ATL3: variants seen among roughly 807,000 people sequenced by gnomAD.
ATL3 encodes the protein atlastin-3.
Under a neutral mutation model 69.5 loss-of-function variants are expected in ATL3, and 49 were observed. The observed-to-expected ratio is 0.71, with a 90% CI of 0.56 to 0.89. The LOEUF (loss-of-function observed/expected upper bound fraction) is 0.89, where lower values mean the gene tolerates loss of function less well. Ranked by LOEUF, ATL3 falls within the 40% of genes least tolerant of loss-of-function variation. ATL3 has a pLI of 0.00. For synonymous variants in ATL3, 214 were observed against 224.1 expected (o/e 0.95, Z 0.40); for missense variants, 606 against 645.7 (o/e 0.94, Z 0.67).
chr11:63,659,830 G>A (rs554213286), intron 1 of ATL3, among the ~76,000 whole-genome samples: 3 of 151,828 alleles, frequency 2.0e-5, no homozygotes, highest in South Asian at 4.2e-4. Context: ...CTAGCTACTC[G>A]GGAGGCTGAG....
rs749790717 is a variant in ATL3 at position 63,629,327 on chromosome 11, C to A, written c.1618G>T (p.Ala540Ser). ...VVGRPSMDKK[A>S]Q is the part of the protein sequence containing the mutation. The stretch of plus-strand genomic sequence containing the variant: ...ATCTTCACGTTAAGATGCTATTGAG[C>A]TTTTTTATCCATGGATGGTCTTCCA... Residue 540 changes from alanine (A) to serine (S), a missense_variant, in exon 13 of 13, where the codon GCT (alanine) becomes TCT (serine). Physicochemically the swap from Ala to Ser is moderately conservative, Grantham distance 99 (BLOSUM62 1). Transcript: ENST00000398868. 8 of 1,613,716 alleles carry A rather than the reference C, an allele frequency of 5.0e-6. No homozygotes were observed. The African/African-American group carries it at 1.1e-4, about 22-fold the overall frequency.
At chr11:63,648,341 T>C (rs1040409712) in intron 5 of ATL3, among the ~76,000 whole-genome samples, 5 of 152,070 alleles carry the variant, frequency 3.3e-5, no homozygotes, top group South Asian at 2.1e-4. Flanking sequence ...AGAATAAATA[T>C]CTGCAAAAAA....
At position 63,629,250 on chromosome 11, in the gene ATL3, T is replaced by C. The variant is rs889621811; in HGVS notation, c.*69A>G. 8.6e-6 allele frequency: 11 copies of C among 1,273,078 alleles called. No homozygotes were observed. The Admixed American group carries it at 1.7e-4, about 20-fold the overall frequency. The allele number at this position is 1,273,078 out of a possible 1,614,324, so 78.9% of individuals were successfully genotyped here. On this transcript the variant is annotated 3_prime_UTR_variant, in exon 13 of 13. Transcript: ENST00000398868. ...TGCCATTCCTCTGGATATGAACCTGTGGCCGTGGCAGAAACCCAGAAATCA... is the reference window on the plus strand; with the variant it reads ...TGCCATTCCTCTGGATATGAACCTGCGGCCGTGGCAGAAACCCAGAAATCA...
rs1939217766 is a variant in ATL3 at position 63,629,128 on chromosome 11, G to A, written c.*191C>T. Reference sequence around the variant, plus strand: ...CAGCAAGGAAAAGAAATGCTTCCAAGAGAAATGGAAGTGTGTTTAATAATT... The same window carrying A: ...CAGCAAGGAAAAGAAATGCTTCCAAAAGAAATGGAAGTGTGTTTAATAATT... On this transcript the variant is annotated 3_prime_UTR_variant, in exon 13 of 13. Transcript: ENST00000398868. 4 of 565,744 alleles carry A rather than the reference G, an allele frequency of 7.1e-6. No homozygotes were observed. Among genetic ancestry groups the A allele is most frequent in the Non-Finnish European group, 1.3e-5 (4 of 313,788 alleles). 35.0% of individuals were successfully genotyped at this position (565,744 alleles called of 1,614,324 possible).
At chr11:63,661,560 A>G (rs781003052) in intron 1 of ATL3, among the ~76,000 whole-genome samples, 1 of 152,042 alleles carries the variant, frequency 6.6e-6, no homozygotes, top group Non-Finnish European at 1.5e-5. Context: ...CTTGGCCAAT[A>G]TAGCGAGAGA....
chr11:63,660,675 C>A (rs1215206787), intron 1 of ATL3, among the ~76,000 whole-genome samples: 2 of 151,976 alleles, frequency 1.3e-5, no homozygotes, highest in African/African-American at 4.8e-5. Context: ...AGAGCTGAGG[C>A]AGGAGGATTA....
rs149685546 is a variant in ATL3, at chr11:63,625,393, A to G, written c.*3926T>C. ...TCCTGTGAAGACTTCCATGTAAGTT[A>G]CATCATTTTTTAAAAGAACCTAGCA... On this transcript the variant is annotated 3_prime_UTR_variant, in exon 13 of 13. Coordinates refer to ENST00000398868, the MANE Select transcript of ATL3 (RefSeq NM_015459.5). The G allele has an allele frequency of 6.6e-6, 1 of 152,256 alleles. No individual in the cohort carries two copies. Among genetic ancestry groups the G allele is most frequent in the African/African-American group, 2.4e-5 (1 of 41,474 alleles). The allele number at this position is 152,256 out of a possible 1,614,324, so 9.4% of individuals were successfully genotyped here.
At chr11:63,649,790 A>T (rs1362381749) in intron 5 of ATL3, among the ~76,000 whole-genome samples, 1 of 152,114 alleles carries the variant, frequency 6.6e-6, no homozygotes, top group Non-Finnish European at 1.5e-5. Context: ...AGCCTGCCTC[A>T]GCATTCCAAA....
At chr11:63,630,656 C>A (rs543981502) in intron 12 of ATL3, among the ~76,000 whole-genome samples, 3 of 150,838 alleles carry the variant, frequency 2.0e-5, no homozygotes, top group Admixed American at 1.3e-4. Flanking sequence ...ACTAGCGGGC[C>A]GTGGTGGCAC....
At chr11:63,643,306 T>C in intron 8 of ATL3, 51 bp downstream of exon 8, 1 of 1,514,020 alleles carries the variant, frequency 6.6e-7, no homozygotes, top group Non-Finnish European at 8.9e-7. Flanking sequence ...GATTCATTAT[T>C]TTTAATTCCA....
At chr11:63,653,911 T>C (rs1208064652) in intron 3 of ATL3, among the ~76,000 whole-genome samples, 1 of 152,160 alleles carries the variant, frequency 6.6e-6, no homozygotes, top group Non-Finnish European at 1.5e-5. Context: ...ACAGTAATAG[T>C]GGGCATGTGT....
chr11:63,658,686 G>A (rs538589208), intron 3 of ATL3, 75 bp downstream of exon 3: 1 of 1,459,366 alleles, frequency 6.9e-7, no homozygotes, highest in Non-Finnish European at 9.1e-7. Flanking sequence ...TTTTTAATTG[G>A]GTTAACACAG....
intron 7 of ATL3, 66 bp downstream of exon 7, chr11:63,644,103 C>T (rs1353514335): frequency 9.1e-7 from 1 of 1,100,592 alleles, no homozygotes; most frequent in Non-Finnish European, 1.4e-6. Context: ...ACACAATAGC[C>T]AAAAGCAAAT....
intron 7 of ATL3, among the ~76,000 whole-genome samples, chr11:63,643,853 A>C (rs548125218): frequency 0.32 from 529 of 1,666 alleles, 4 homozygotes; most frequent in Non-Finnish European, 0.44. Flanking sequence ...ATAAGTAAAA[A>C]TTTTGAAGAA....
chr11:63,633,016 T>A lies in ATL3; in HGVS notation c.1107+10A>T, dbSNP rs749140482. The A allele has an allele frequency of 4.7e-5, 76 of 1,612,458 alleles. 2 individuals are homozygous for A. The East Asian group carries it at 1.7e-3, about 35-fold the overall frequency. On this transcript the variant is annotated intron_variant, in intron 11 of 12. Transcript: ENST00000398868. ...TAGATATTTCAGAATAAGGCGTATG[T>A]CCCACGTACCTCTTCCATGTTGTTA...
At chr11:63,643,256 A>G in intron 8 of ATL3, 101 bp downstream of exon 8, 1 of 1,273,208 alleles carries the variant, frequency 7.9e-7, no homozygotes, top group Non-Finnish European at 1.1e-6. Context: ...TTTCTAAGAG[A>G]GCATACCATT....
At chr11:63,656,709 G>A (rs1381201274) in intron 3 of ATL3, among the ~76,000 whole-genome samples, 1 of 147,622 alleles carries the variant, frequency 6.8e-6, no homozygotes, top group African/African-American at 2.5e-5. Context: ...ACTCCAGCCT[G>A]AGCAACAGAG....
At chr11:63,654,699 ATTT>A (rs545924501) in intron 3 of ATL3, among the ~76,000 whole-genome samples, 3 of 132,576 alleles carry the variant, frequency 2.3e-5, no homozygotes. Flanking sequence ...TGTCTGGCCT[ATTT>A]TTTTTTTTTT....
At chr11:63,661,155 G>A (rs566145577) in intron 1 of ATL3, among the ~76,000 whole-genome samples, 3 of 151,220 alleles carry the variant, frequency 2.0e-5, no homozygotes, top group Non-Finnish European at 4.4e-5. Context: ...CCGGGAGGCA[G>A]AAGCTGCAGT....
Sources: gnomAD v4.1 joint callset for allele counts (sites outside exome capture counted in the v4.1 genomes callset) on GRCh38, gnomAD v4.1.1 for gene constraint, MANE v1.5 for transcripts, NCBI Gene and HGNC (gene_info 2026-07-23, HGNC 2026-07-21) for gene names.